FARP2: variants seen among roughly 807,000 people sequenced by gnomAD.
FARP2 encodes the protein FERM, ARHGEF and pleckstrin domain-containing protein 2.
In FARP2, 111 loss-of-function variants were observed where a neutral mutation model predicts 130.5. The observed-to-expected ratio is 0.85, with a 90% CI of 0.73 to 1.00. The LOEUF is 1.00. FARP2 is among the 50% of genes least tolerant of loss of function. The pLI is 0.00. For missense variants in FARP2, 1,385 were observed against 1,346.3 expected (o/e 1.03, Z -0.45); for synonymous variants, 504 against 516.9 (o/e 0.98, Z 0.34).
At chr2:241,484,217 G>C in intron 20 of FARP2, 25 bp from the exon 21 acceptor site, 1 of 1,613,844 alleles carries the variant, frequency 6.2e-7, no homozygotes, top group South Asian at 1.1e-5. Context: ...TGAAGTTCAT[G>C]GATGTAAAGC....
chr2:241,487,990 C>T (rs867502829), intron 21 of FARP2, among the ~76,000 whole-genome samples: 33 of 151,982 alleles, frequency 2.2e-4, no homozygotes, highest in Admixed American at 4.6e-4. Flanking sequence ...CCTCGTGATC[C>T]ACCCGCCTCG....
At chr2:241,443,039 GC>G in intron 13 of FARP2, 1 of 203,366 alleles carries the variant, frequency 4.9e-6, no homozygotes, top group South Asian at 7.6e-5. Context: ...GGGAAAGATG[GC>G]CATAGGCCAT....
intron 9 of FARP2, among the ~76,000 whole-genome samples, chr2:241,432,548 T>C (rs2063119754): frequency 6.6e-6 from 1 of 152,252 alleles, no homozygotes; most frequent in South Asian, 2.1e-4. Context: ...AGTGTTCTCT[T>C]GTGTCCTTCA....
chr2:241,367,498 AGG>A (rs2150291215), intron 1 of FARP2, among the ~76,000 whole-genome samples: 2 of 152,292 alleles, frequency 1.3e-5, no homozygotes, highest in South Asian at 4.1e-4. Flanking sequence ...AATGCGCCCC[AGG>A]GCCGAGGGAT....
chr2:241,450,316 T>C (rs1045238729), intron 13 of FARP2, among the ~76,000 whole-genome samples: 3 of 151,950 alleles, frequency 2.0e-5, no homozygotes, highest in Non-Finnish European at 2.9e-5. Context: ...TGAGCCATGA[T>C]TGTGGCACTC....
At chr2:241,382,820 G>A (rs938569040) in intron 2 of FARP2, among the ~76,000 whole-genome samples, 1 of 152,072 alleles carries the variant, frequency 6.6e-6, no homozygotes, top group African/African-American at 2.4e-5. Flanking sequence ...TGTTTAATAG[G>A]CAAAAGTTAG....
At chr2:241,399,220 C>T (rs538455585) in intron 2 of FARP2, among the ~76,000 whole-genome samples, 23 of 152,284 alleles carry the variant, frequency 1.5e-4, no homozygotes, top group Admixed American at 5.2e-4. Flanking sequence ...TTAAGTCTTT[C>T]GGCCCATTTG....
intron 13 of FARP2, among the ~76,000 whole-genome samples, chr2:241,450,977 G>T (rs1051260170): frequency 6.6e-6 from 1 of 152,102 alleles, no homozygotes; most frequent in Non-Finnish European, 1.5e-5. Flanking sequence ...ATATTTTGAA[G>T]ATGATCAAAT....
At chr2:241,443,166 TG>T in intron 13 of FARP2, 1 of 208,976 alleles carries the variant, frequency 4.8e-6, no homozygotes, top group Non-Finnish European at 9.7e-6. Flanking sequence ...AGAGTCCCAC[TG>T]GGACTCTGGG....
At chr2:241,480,816 T>G (rs1305812080) in intron 19 of FARP2, among the ~76,000 whole-genome samples, 1 of 152,124 alleles carries the variant, frequency 6.6e-6, no homozygotes, top group African/African-American at 2.4e-5. Flanking sequence ...CATTTTGAGT[T>G]AGTTTTTGTG....
rs373904700 is a variant in FARP2 at position 241,436,551 on chromosome 2, C to T, written c.1158+13C>T. 6.8e-5 allele frequency: 110 copies of T among 1,612,098 alleles called. 1 individual carries two copies. The highest frequency in any genetic ancestry group is 9.3e-5 in the Non-Finnish European group (109 of 1,178,220). On this transcript the variant is annotated intron_variant, in intron 12 of 26. Coordinates refer to ENST00000264042, the MANE Select transcript of FARP2 (RefSeq NM_014808.4). Reference sequence around the variant, plus strand: ...CCTACCAAAACAGGTTAGTCTCTTCCGGTTCAACATGGGGGCAGTAGGAGT... The same window carrying T: ...CCTACCAAAACAGGTTAGTCTCTTCTGGTTCAACATGGGGGCAGTAGGAGT...
chr2:241,415,474 G>A (rs1317003778), intron 7 of FARP2, among the ~76,000 whole-genome samples: 2 of 152,188 alleles, frequency 1.3e-5, no homozygotes, highest in South Asian at 2.1e-4. Context: ...ATTGGGCATT[G>A]TGCTGCGAAC....
chr2:241,477,785 C>T (rs1167013553), intron 19 of FARP2: 2 of 152,398 alleles, frequency 1.3e-5, no homozygotes, highest in East Asian at 1.9e-4. Flanking sequence ...TGTGTGGTTA[C>T]AATTTGTATT....
rs1182312221 is a variant in FARP2 at position 241,404,788 on chromosome 2, C to T, written c.289-11C>T. On this transcript the variant is annotated splice_polypyrimidine_tract_variant and intron_variant, in intron 3 of 26. Transcript: ENST00000264042. ...TAATAGATTGGATTTCTTCTGTTAA[C>T]TCTTCTTTAGATTTGGCTTGAACCT... The T allele has an allele frequency of 6.3e-7, 1 of 1,594,960 alleles. No individual in the cohort carries two copies. Among genetic ancestry groups the T allele is most frequent in the Non-Finnish European group, 8.6e-7 (1 of 1,163,452 alleles).
intron 12 of FARP2, among the ~76,000 whole-genome samples, chr2:241,440,703 C>G (rs867800650): frequency 6.6e-6 from 1 of 152,180 alleles, no homozygotes; most frequent in South Asian, 2.1e-4. Flanking sequence ...GGACTTGTTA[C>G]TCACCTGTCA....
rs1194888946 is a variant in FARP2 at position 241,402,880 on chromosome 2, A to ATTTTT, written c.184-921_184-917dup. ...TATATATATATATATATATATATAT[A>ATTTTT]TTTTTTTTTTTTTTTTTTTTTTTTT... On this transcript the variant is annotated intron_variant, in intron 2 of 26. Transcript: ENST00000264042. Among the ~76,000 whole-genome samples the ATTTTT allele has an allele frequency of 5.1e-4, 5 of 9,730 alleles. 1 individual carries two copies. The highest frequency in any genetic ancestry group is 5.2e-4 in the African/African-American group (1 of 1,934). The allele number at this position is 9,730 out of a possible 152,430, so 6.4% of individuals were successfully genotyped here.
chr2:241,431,492 A>T, intron 8 of FARP2, among the ~76,000 whole-genome samples, 187 bp from the exon 9 acceptor site: 1 of 152,196 alleles, frequency 6.6e-6, no homozygotes, highest in South Asian at 2.1e-4. Flanking sequence ...AAATTAAATT[A>T]TCTTTCTAGA....
At chr2:241,450,355 CCT>C (rs1216486570) in intron 13 of FARP2, among the ~76,000 whole-genome samples, 2 of 149,232 alleles carry the variant, frequency 1.3e-5, no homozygotes, top group Non-Finnish European at 1.5e-5. Flanking sequence ...AGTGCAAGAC[CCT>C]GTCTCAACCA....
At chr2:241,403,005 A>G (rs1304208892) in intron 2 of FARP2, among the ~76,000 whole-genome samples, 2 of 140,168 alleles carry the variant, frequency 1.4e-5, no homozygotes, top group Admixed American at 1.5e-4. Flanking sequence ...TGCTGGGATT[A>G]CAGGCGTGAT....
Sources: allele counts gnomAD v4.1 joint callset (sites outside exome capture counted in the v4.1 genomes callset), GRCh38; gene constraint gnomAD v4.1.1; transcripts MANE v1.5; gene names NCBI Gene and HGNC (gene_info 2026-07-23, HGNC 2026-07-21).